The following CCDC91 variants were observed in gnomAD, a reference collection of about 807,000 sequenced individuals.
CCDC91 encodes coiled-coil domain-containing protein 91.
CCDC91 carries 48 observed loss-of-function variants against 63.2 expected under a neutral mutation model. That is an observed-to-expected ratio of 0.76 (90% CI 0.60 to 0.97). The LOEUF is 0.97. Ranked by LOEUF, CCDC91 falls within the 50% of genes least tolerant of loss-of-function variation. The pLI is 0.00. For synonymous variants in CCDC91, 167 were observed against 165.8 expected, an observed-to-expected ratio of 1.01 and a Z score of -0.06; for missense variants, 500 against 494.6, an observed-to-expected ratio of 1.01 and a Z score of -0.10.
intron 8 of CCDC91, among the ~76,000 whole-genome samples, chr12:28,418,977 T>C (rs1386861171): frequency 6.6e-6 from 1 of 152,196 alleles, no homozygotes; most frequent in Non-Finnish European, 1.5e-5. Flanking sequence ...GGACTAATCA[T>C]GTTCTAGGTA....
intron 1 of CCDC91, among the ~76,000 whole-genome samples, chr12:28,225,488 T>C (rs1474348341): frequency 6.6e-6 from 1 of 152,150 alleles, no homozygotes; most frequent in Non-Finnish European, 1.5e-5. Flanking sequence ...TTCACTCTTT[T>C]TGCCCAGGCT....
chr12:28,419,930 T>A (rs1947902373), intron 8 of CCDC91, among the ~76,000 whole-genome samples: 1 of 151,942 alleles, frequency 6.6e-6, no homozygotes, highest in Non-Finnish European at 1.5e-5. Context: ...CTAATTTTTG[T>A]GTTTTTTGTA....
rs549309959 is a variant in CCDC91, at chr12:28,528,658, A to G, written c.1216-20405A>G. Among the ~76,000 whole-genome samples the G allele has an allele frequency of 4.3e-4, 66 of 152,128 alleles. 2 individuals are homozygous for G. In the South Asian group the frequency reaches 0.013, roughly 30 times the overall value. ...CTAGTCCTGCCTCCCGTCTGCCATG[A>G]TCTGTTTCACCCCACTGAAGGTTTT... On this transcript the variant is annotated intron_variant, in intron 12 of 12. Transcript: ENST00000536442.
At chr12:28,232,427 C>T (rs1473717672) in intron 1 of CCDC91, among the ~76,000 whole-genome samples, 1 of 151,842 alleles carries the variant, frequency 6.6e-6, no homozygotes, top group Non-Finnish European at 1.5e-5. Context: ...CTATTATGTA[C>T]TTGTGTGATG....
intron 3 of CCDC91, among the ~76,000 whole-genome samples, chr12:28,270,164 T>C (rs1947656729): frequency 6.6e-6 from 1 of 152,122 alleles, no homozygotes; most frequent in African/African-American, 2.4e-5. Context: ...AGTTTTATTG[T>C]GGACCTCCTC....
At chr12:28,526,359 A>G (rs555161841) in intron 12 of CCDC91, among the ~76,000 whole-genome samples, 35 of 152,148 alleles carry the variant, frequency 2.3e-4, no homozygotes, top group Non-Finnish European at 4.4e-4. Flanking sequence ...TCCTTCATTT[A>G]TGAAGCTTAG....
intron 6 of CCDC91, among the ~76,000 whole-genome samples, chr12:28,356,014 TATC>T (rs1454851295): frequency 6.6e-6 from 1 of 152,212 alleles, no homozygotes; most frequent in Non-Finnish European, 1.5e-5. Flanking sequence ...GACTGATTCT[TATC>T]ATGTGTGTTT....
intron 6 of CCDC91, among the ~76,000 whole-genome samples, chr12:28,349,759 C>T (rs1166980834): frequency 2.0e-5 from 3 of 152,124 alleles, no homozygotes; most frequent in African/African-American, 7.2e-5. Context: ...TCTGGTACTC[C>T]TGCCCTCATC....
chr12:28,393,330 A>G (rs1946066920), intron 8 of CCDC91, among the ~76,000 whole-genome samples: 1 of 151,610 alleles, frequency 6.6e-6, no homozygotes, highest in Non-Finnish European at 1.5e-5. Context: ...TTAAGGCCGT[A>G]TCCACAGTTG....
intron 12 of CCDC91, among the ~76,000 whole-genome samples, chr12:28,528,558 G>T (rs1941472340): frequency 6.6e-6 from 1 of 152,038 alleles, no homozygotes; most frequent in African/African-American, 2.4e-5. Context: ...ACGTTTTCTT[G>T]CACTGGTTCT....
rs757982802 is a variant in CCDC91 at position 28,306,749 on chromosome 12, A to G, written c.275A>G (p.Gln92Arg). 38 of 1,605,226 alleles carry G rather than the reference A, an allele frequency of 2.4e-5. No homozygotes were observed. The highest frequency in any genetic ancestry group is 4.0e-5 in the African/African-American group (3 of 74,350). The change falls in exon 5 of 13, where the codon CAA becomes CGA. Residue 92 changes from glutamine (Q) to arginine (R), a missense_variant. Coordinates refer to ENST00000536442, the MANE Select transcript of CCDC91 (RefSeq NM_018318.5). ...SQTIPKAQIQQSTHTHLDISL... is the reference protein window; with the variant it reads ...SQTIPKAQIQRSTHTHLDISL... ...TTTTTTTATGTGGTTTAGATTCAGC[A>G]ATCAACACACACTCATCTGGATATC...
intron 11 of CCDC91, among the ~76,000 whole-genome samples, chr12:28,467,801 A>T (rs1294234804): frequency 6.6e-6 from 1 of 151,950 alleles, no homozygotes; most frequent in Non-Finnish European, 1.5e-5. Flanking sequence ...AATCAATAAC[A>T]AGAGGAATTT....
In CCDC91 at chr12:28,388,845, C is replaced by T. The variant is rs148418398; in HGVS notation, c.655-2459C>T. Among the ~76,000 whole-genome samples, 403 of 152,204 alleles carry T rather than the reference C, an allele frequency of 2.6e-3. 3 individuals are homozygous for T. Among genetic ancestry groups the T allele is most frequent in the African/African-American group, 9.4e-3 (392 of 41,540 alleles). On this transcript the variant is annotated intron_variant, in intron 7 of 12. Transcript: ENST00000536442. ...CTGAATCCTCATCTCTCACCTTATA[C>T]AAAAATCAGCTGAAGATGGATCAAG...
chr12:28,216,206 C>A (rs1943553150), intron 1 of CCDC91, among the ~76,000 whole-genome samples: 1 of 151,946 alleles, frequency 6.6e-6, no homozygotes, highest in Non-Finnish European at 1.5e-5. Context: ...TGTAGCAATG[C>A]TGAGGTTTGG....
chr12:28,532,881 T>C (rs1478675638), intron 12 of CCDC91, among the ~76,000 whole-genome samples: 1 of 152,136 alleles, frequency 6.6e-6, no homozygotes, highest in Non-Finnish European at 1.5e-5. Context: ...ATTGTACCTC[T>C]AACTTTTATC....
chr12:28,313,227 T>G (rs11049525), intron 6 of CCDC91, among the ~76,000 whole-genome samples: 1 of 151,830 alleles, frequency 6.6e-6, no homozygotes, highest in East Asian at 1.9e-4. Flanking sequence ...GTATCCTAAA[T>G]AAAGCAAAAC....
rs902418423 is a variant in CCDC91, at chr12:28,513,781, A to G, written c.1215+29616A>G. Among the ~76,000 whole-genome samples the G allele has an allele frequency of 4.0e-5, 6 of 151,858 alleles. 1 individual carries two copies. The highest frequency in any genetic ancestry group is 2.1e-4 in the South Asian group (1 of 4,830). On this transcript the variant is annotated intron_variant, in intron 12 of 12. Transcript: ENST00000536442. Reference sequence around the variant, plus strand: ...TTCCAGCTCCATTCATGTTCCTCCAAAGAGCATGATCGTGTTCTTCTTATG... The same window carrying G: ...TTCCAGCTCCATTCATGTTCCTCCAGAGAGCATGATCGTGTTCTTCTTATG...
At chr12:28,201,621 G>A (rs879248579) in intron 1 of CCDC91, among the ~76,000 whole-genome samples, 9 of 146,914 alleles carry the variant, frequency 6.1e-5, no homozygotes, top group African/African-American at 1.2e-4. Context: ...CTTCCCAGAC[G>A]GGGTGGCGGC....
At chr12:28,419,252 A>G (rs1280609458) in intron 8 of CCDC91, among the ~76,000 whole-genome samples, 1 of 152,164 alleles carries the variant, frequency 6.6e-6, no homozygotes, top group Non-Finnish European at 1.5e-5. Flanking sequence ...TGCTGTAGAA[A>G]TCTTCACAAG....
Sources: allele counts gnomAD v4.1 joint callset (sites outside exome capture counted in the v4.1 genomes callset), GRCh38; gene constraint gnomAD v4.1.1; transcripts MANE v1.5; gene names NCBI Gene and HGNC (gene_info 2026-07-23, HGNC 2026-07-21).